ESF1: variants seen among roughly 807,000 people sequenced by gnomAD.
ESF1 encodes ESF1 homolog.
Under a neutral mutation model 92.0 loss-of-function variants are expected in ESF1, and 58 were observed. That is an observed-to-expected ratio of 0.63 (90% CI 0.51 to 0.78). The LOEUF is 0.78. Ranked by LOEUF, ESF1 falls within the 30% of genes least tolerant of loss-of-function variation. The pLI is 0.00. For synonymous variants in ESF1, 321 were observed against 313.7 expected (o/e 1.02, Z -0.24); for missense variants, 922 against 989.1 (o/e 0.93, Z 0.91).
At chr20:13,726,181 G>A (rs1369615722) in intron 11 of ESF1, among the ~76,000 whole-genome samples, 1 of 152,142 alleles carries the variant, frequency 6.6e-6, no homozygotes, top group East Asian at 1.9e-4. Context: ...AGGCACCAGA[G>A]TAATATGTTA....
In ESF1 at chr20:13,728,527, C is replaced by T. The variant is rs562139552; in HGVS notation, c.1951-62G>A. On this transcript the variant is annotated intron_variant, in intron 10 of 13. Coordinates refer to ENST00000617257, the MANE Select transcript of ESF1 (RefSeq NM_001276380.2). ...TTACAAGAATTATAATAAATGTATA[C>T]CAAGAAAAACTATGCATTTCTTTTA... The T allele has an allele frequency of 5.7e-6, 7 of 1,234,128 alleles. No homozygotes were observed. The East Asian group carries it at 1.8e-4, about 32-fold the overall frequency. 76.4% of individuals were successfully genotyped at this position (1,234,128 alleles called of 1,614,324 possible).
At chr20:13,761,911 CAAGTA>C (rs768623691) in intron 8 of ESF1, among the ~76,000 whole-genome samples, 1 of 152,178 alleles carries the variant, frequency 6.6e-6, no homozygotes, top group Non-Finnish European at 1.5e-5. Context: ...TTGACTGTCT[CAAGTA>C]AAGGAAACTC....
intron 9 of ESF1, among the ~76,000 whole-genome samples, chr20:13,757,774 G>GT (rs1178266652): frequency 6.6e-6 from 1 of 152,124 alleles, no homozygotes; most frequent in Admixed American, 6.5e-5. Context: ...TCATATATCT[G>GT]TACCTTACAA....
intron 9 of ESF1, among the ~76,000 whole-genome samples, chr20:13,752,912 TCTTGCTGTGTGAGACAGTAAGAGAAGTC>T (rs1246096706): frequency 6.6e-6 from 1 of 152,148 alleles, no homozygotes; most frequent in Non-Finnish European, 1.5e-5. Context: ...AAGGGACTCC[TCTTGCTGTGTGAGACAGTAAGAGAAGTC>T]CTTGCCAGCG....
chr20:13,740,025 A>G (rs1255447836), intron 9 of ESF1, among the ~76,000 whole-genome samples: 2 of 152,162 alleles, frequency 1.3e-5, no homozygotes, highest in African/African-American at 2.4e-5. Context: ...GAGGGAAGTA[A>G]AAATACATTT....
chr20:13,715,299 T>G (rs1203866314), intron 13 of ESF1, 132 bp from the exon 14 acceptor site: 3 of 846,542 alleles, frequency 3.5e-6, no homozygotes, highest in Non-Finnish European at 3.3e-6. Flanking sequence ...GTGTTTGTAC[T>G]GATTCATTAG....
intron 2 of ESF1, among the ~76,000 whole-genome samples, chr20:13,779,677 G>C (rs551289631): frequency 2.0e-5 from 3 of 152,282 alleles, no homozygotes; most frequent in African/African-American, 7.2e-5. Flanking sequence ...TGGGATTACA[G>C]GTGTGCACCA....
intron 9 of ESF1, among the ~76,000 whole-genome samples, chr20:13,742,635 A>C (rs548368360): frequency 7.2e-5 from 11 of 152,328 alleles, no homozygotes; most frequent in African/African-American, 1.9e-4. Context: ...CTGAAATGTG[A>C]CAGGAGTATG....
At chr20:13,768,850 T>A (rs1257741500) in intron 7 of ESF1, among the ~76,000 whole-genome samples, 1 of 136,376 alleles carries the variant, frequency 7.3e-6, no homozygotes, top group Admixed American at 8.3e-5. Context: ...TGAGCAGAGA[T>A]CGCGCCACTG....
intron 10 of ESF1, among the ~76,000 whole-genome samples, chr20:13,732,767 C>T (rs1411878549): frequency 6.6e-6 from 1 of 152,098 alleles, no homozygotes; most frequent in Non-Finnish European, 1.5e-5. Context: ...CACAAGAGCA[C>T]TTTTAGTGGC....
intron 11 of ESF1, among the ~76,000 whole-genome samples, chr20:13,721,219 A>C (rs757133774): frequency 1.3e-4 from 20 of 152,262 alleles, no homozygotes; most frequent in Admixed American, 2.0e-4. Flanking sequence ...ACACAGAGCA[A>C]AGAGAATTCA....
chr20:13,751,581 A>G (rs1314239378), intron 9 of ESF1, among the ~76,000 whole-genome samples: 5 of 152,110 alleles, frequency 3.3e-5, no homozygotes, highest in Non-Finnish European at 5.9e-5. Context: ...TGTGGGGGGG[A>G]ACCAGATCAA....
intron 13 of ESF1, 142 bp downstream of exon 13, chr20:13,717,226 T>C (rs893926350): frequency 1.0e-5 from 10 of 991,874 alleles, no homozygotes; most frequent in East Asian, 4.8e-5. Flanking sequence ...CAAAAAAGTG[T>C]TGGGATTATA....
chr20:13,757,613 G>C (rs557332138), intron 9 of ESF1, among the ~76,000 whole-genome samples: 1 of 152,028 alleles, frequency 6.6e-6, no homozygotes, highest in Non-Finnish European at 1.5e-5. Context: ...ATGCTACTCG[G>C]GCTGGTCTCG....
intron 2 of ESF1, among the ~76,000 whole-genome samples, chr20:13,779,289 C>A (rs1342097152): frequency 6.6e-6 from 1 of 151,590 alleles, no homozygotes; most frequent in African/African-American, 2.4e-5. Flanking sequence ...CATTACAAAC[C>A]AAAAAAAGTT....
chr20:13,775,926 C>T lies in ESF1; in HGVS notation c.982G>A (p.Gly328Ser). 6.2e-7 allele frequency: 1 copy of T among 1,613,598 alleles called. No homozygotes were observed. The highest frequency in any genetic ancestry group is 8.5e-7 in the Non-Finnish European group (1 of 1,179,780). The change falls in exon 3 of 14, where the codon GGT becomes AGT. Residue 328 changes from glycine to serine, a missense_variant. Coordinates refer to ENST00000617257, the MANE Select transcript of ESF1 (RefSeq NM_001276380.2). Reference protein sequence around the residue: ...DTADLFPEESGFEHAWRELDK... With the variant: ...DTADLFPEESSFEHAWRELDK... Reference sequence around the variant, plus strand: ...AATTCTCTCCAAGCATGCTCAAAACCAGATTCTTCTGGAAACAAATCTGCC... The same window carrying T: ...AATTCTCTCCAAGCATGCTCAAAACTAGATTCTTCTGGAAACAAATCTGCC...
chr20:13,747,165 T>C, intron 9 of ESF1, among the ~76,000 whole-genome samples: 1 of 152,118 alleles, frequency 6.6e-6, no homozygotes, highest in South Asian at 2.1e-4. Flanking sequence ...GGTTTACTCT[T>C]TCAACTTTTG....
At chr20:13,726,939 A>T (rs1337326699) in intron 11 of ESF1, among the ~76,000 whole-genome samples, 1 of 152,262 alleles carries the variant, frequency 6.6e-6, no homozygotes, top group African/African-American at 2.4e-5. Context: ...AACACTCTGA[A>T]ATCAAAAGTA....
intron 3 of ESF1, among the ~76,000 whole-genome samples, 156 bp downstream of exon 3, chr20:13,775,717 G>T (rs983828993): frequency 5.3e-5 from 8 of 152,016 alleles, no homozygotes; most frequent in African/African-American, 1.9e-4. Flanking sequence ...ACGTCTTCTA[G>T]TTCATATAAT....
Sources: gnomAD v4.1 joint callset for allele counts (sites outside exome capture counted in the v4.1 genomes callset) on GRCh38, gnomAD v4.1.1 for gene constraint, MANE v1.5 for transcripts, NCBI Gene and HGNC (gene_info 2026-07-23, HGNC 2026-07-21) for gene names.